ATP9B: variants seen among roughly 807,000 people sequenced by gnomAD.
ATP9B encodes the protein ATPase phospholipid transporting 9B.
Under a neutral mutation model 146.1 loss-of-function variants are expected in ATP9B, and 110 were observed. The observed-to-expected ratio is 0.75, with a 90% confidence interval of 0.65 to 0.88. The LOEUF (loss-of-function observed/expected upper bound fraction) is 0.88, where lower values mean the gene tolerates loss of function less well. Ranked by LOEUF, ATP9B falls within the 40% of genes least tolerant of loss-of-function variation. The pLI is 0.00. For synonymous variants in ATP9B, 604 were observed against 569.7 expected (o/e 1.06, Z -0.86); for missense variants, 1,499 against 1,496.4 (o/e 1.00, Z -0.03).
rs543891284 is a variant in ATP9B, at chr18:79,127,394, G to A, written c.667+1019G>A. Among the ~76,000 whole-genome samples, 86 of 152,030 alleles carry A rather than the reference G, an allele frequency of 5.7e-4. 1 individual carries two copies. The highest frequency in any genetic ancestry group is 2.0e-3 in the African/African-American group (84 of 41,456). ...CCCCACCCTACCCCAGCTCCAGGCA[G>A]CCGCCGTTCTCCTTTCTGTCTCTGT... On this transcript the variant is annotated intron_variant, in intron 5 of 29. Coordinates refer to ENST00000426216, the MANE Select transcript of ATP9B (RefSeq NM_198531.5).
At chr18:79,313,091 C>G (rs928590199) in intron 15 of ATP9B, among the ~76,000 whole-genome samples, 2 of 152,106 alleles carry the variant, frequency 1.3e-5, no homozygotes, top group Admixed American at 1.3e-4. Context: ...AGCCATCAGC[C>G]CTGTTACAGT....
At chr18:79,330,210 T>A (rs1241809108) in intron 17 of ATP9B, 106 bp downstream of exon 17, 2 of 1,032,352 alleles carry the variant, frequency 1.9e-6, no homozygotes, top group Non-Finnish European at 3.0e-6. Flanking sequence ...TATTGATAGA[T>A]GACAGGAAAA....
chr18:79,127,352 G>A (rs910179552), intron 5 of ATP9B, among the ~76,000 whole-genome samples: 6 of 151,916 alleles, frequency 3.9e-5, no homozygotes, highest in African/African-American at 9.7e-5. Context: ...GGCAGTGGTC[G>A]TTCTTGCTGT....
chr18:79,274,362 TAAC>T (rs1276472480), intron 12 of ATP9B, among the ~76,000 whole-genome samples: 2 of 152,198 alleles, frequency 1.3e-5, no homozygotes, highest in Non-Finnish European at 2.9e-5. Context: ...ATTGCTGTAT[TAAC>T]AATCAAAGTA....
chr18:79,346,872 A>G (rs1317818793), intron 23 of ATP9B, among the ~76,000 whole-genome samples: 3 of 152,246 alleles, frequency 2.0e-5, no homozygotes, highest in East Asian at 1.9e-4. Context: ...CGGGCACTGA[A>G]CTGTACATTT....
intron 25 of ATP9B, among the ~76,000 whole-genome samples, chr18:79,355,006 A>C (rs2096943149): frequency 6.6e-6 from 1 of 152,196 alleles, no homozygotes; most frequent in Non-Finnish European, 1.5e-5. Flanking sequence ...ACTTCACGAG[A>C]TGCAGCGATG....
chr18:79,306,285 G>A (rs780510346), intron 14 of ATP9B, among the ~76,000 whole-genome samples: 8 of 152,194 alleles, frequency 5.3e-5, no homozygotes, highest in Non-Finnish European at 8.8e-5. Context: ...CCTCCGCCAC[G>A]TAGGAGGTGA....
chr18:79,158,967 T>C (rs917265680), intron 7 of ATP9B, among the ~76,000 whole-genome samples: 4 of 152,238 alleles, frequency 2.6e-5, no homozygotes, highest in Admixed American at 6.5e-5. Context: ...TTCTATTCTG[T>C]CAGATTTTGA....
chr18:79,233,193 G>A lies in ATP9B; in HGVS notation c.1107+19155G>A, dbSNP rs1392393369. ...TGTAATCCCAGCTACTCTGGAGGCT[G>A]AAGCAGGAGAATCACTTGAACCCGG... On this transcript the variant is annotated intron_variant, in intron 11 of 29. Transcript: ENST00000426216. 2.0e-5 allele frequency among the ~76,000 whole-genome samples: 3 copies of A among 152,214 alleles called. No homozygotes were observed. The East Asian group carries it at 5.8e-4, about 29-fold the overall frequency.
intron 11 of ATP9B, among the ~76,000 whole-genome samples, chr18:79,233,876 T>C (rs2095814978): frequency 6.6e-6 from 1 of 152,178 alleles, no homozygotes; most frequent in Non-Finnish European, 1.5e-5. Flanking sequence ...TAAAGTAAAC[T>C]ACAGAAAAGA....
chr18:79,265,748 A>G (rs1284583735), intron 12 of ATP9B, among the ~76,000 whole-genome samples: 2 of 151,846 alleles, frequency 1.3e-5, no homozygotes, highest in East Asian at 3.9e-4. Context: ...TGCTTTTGGT[A>G]TCTTCATCAT....
intron 17 of ATP9B, among the ~76,000 whole-genome samples, chr18:79,335,990 C>G (rs966364279): frequency 2.0e-5 from 3 of 151,902 alleles, no homozygotes; most frequent in African/African-American, 7.3e-5. Flanking sequence ...GGAGCCCTCC[C>G]TGGCACCAGG....
At chr18:79,327,447 G>A (rs2096754225) in intron 15 of ATP9B, among the ~76,000 whole-genome samples, 1 of 152,008 alleles carries the variant, frequency 6.6e-6, no homozygotes, top group Admixed American at 6.6e-5. Flanking sequence ...CATGGTTAGT[G>A]TGCTCCCCAT....
chr18:79,117,526 C>T (rs2094108087), intron 4 of ATP9B: 1 of 152,126 alleles, frequency 6.6e-6, no homozygotes, highest in Admixed American at 6.6e-5. Context: ...TGCAGAAGGT[C>T]TTGGACTGTT....
chr18:79,205,412 A>C (rs1003305415), intron 9 of ATP9B, among the ~76,000 whole-genome samples: 6 of 152,252 alleles, frequency 3.9e-5, no homozygotes, highest in African/African-American at 1.4e-4. Context: ...AGTTACATAA[A>C]CGTATTTTGT....
chr18:79,290,819 T>A (rs1370182215), intron 13 of ATP9B, among the ~76,000 whole-genome samples: 1 of 152,258 alleles, frequency 6.6e-6, no homozygotes, highest in Non-Finnish European at 1.5e-5. Flanking sequence ...ATCCGCTGAT[T>A]ATGTATGTGT....
At chr18:79,263,124 G>A (rs1376619461) in intron 12 of ATP9B, among the ~76,000 whole-genome samples, 1 of 152,144 alleles carries the variant, frequency 6.6e-6, no homozygotes, top group Non-Finnish European at 1.5e-5. Context: ...GAGATACAAT[G>A]TAATGTTTTG....
intron 11 of ATP9B, among the ~76,000 whole-genome samples, chr18:79,220,519 T>C (rs1238826943): frequency 6.6e-6 from 1 of 152,146 alleles, no homozygotes; most frequent in Non-Finnish European, 1.5e-5. Context: ...GTGGATCGCC[T>C]GAGCCTAGGA....
intron 4 of ATP9B, among the ~76,000 whole-genome samples, chr18:79,122,770 AATG>A (rs1176784319): frequency 6.6e-6 from 1 of 152,190 alleles, no homozygotes; most frequent in Non-Finnish European, 1.5e-5. Flanking sequence ...AGTTCAATAA[AATG>A]ATGAATTTAT....
Sources: gnomAD v4.1 joint callset for allele counts (sites outside exome capture counted in the v4.1 genomes callset) on GRCh38, gnomAD v4.1.1 for gene constraint, MANE v1.5 for transcripts, NCBI Gene and HGNC (gene_info 2026-07-23, HGNC 2026-07-21) for gene names.